Variants in CDK7 observed in about 807,000 individuals in gnomAD.
The protein encoded by CDK7 is cyclin-dependent kinase 7.
Under a neutral mutation model 49.1 loss-of-function variants are expected in CDK7, and 25 were observed. The ratio of observed to expected loss-of-function variants is 0.51; its 90% CI spans 0.37 to 0.71. The LOEUF is 0.71. Among genes scored for constraint, CDK7 ranks in the 30% least tolerant of loss-of-function variants. The pLI is 0.00. For synonymous variants in CDK7, 107 were observed against 140.0 expected (o/e 0.76, Z 1.67); for missense variants, 316 against 411.7 (o/e 0.77, Z 2.01).
intron 8 of CDK7, among the ~76,000 whole-genome samples, chr5:69,265,644 T>C (rs547822470): frequency 8.5e-5 from 13 of 152,310 alleles, no homozygotes; most frequent in African/African-American, 2.9e-4. Flanking sequence ...GCAGGGCAGC[T>C]CACTCCTGTA....
chr5:69,240,912 C>T (rs975432178), intron 2 of CDK7, among the ~76,000 whole-genome samples: 1 of 152,268 alleles, frequency 6.6e-6, no homozygotes, highest in Admixed American at 6.5e-5. Flanking sequence ...CAGGTGTGAG[C>T]CACCGCACCT....
chr5:69,240,776 T>A (rs1299010742), intron 2 of CDK7, among the ~76,000 whole-genome samples: 1 of 151,882 alleles, frequency 6.6e-6, no homozygotes, highest in Non-Finnish European at 1.5e-5. Context: ...TACAGACACA[T>A]GCCACCACAC....
rs546714060 is a variant in CDK7, at chr5:69,274,076, A to G, written c.864+1035A>G. 2.9e-4 allele frequency among the ~76,000 whole-genome samples: 44 copies of G among 152,272 alleles called. 1 individual carries two copies. In the South Asian group the frequency reaches 8.7e-3, roughly 30 times the overall value. ...TTGTTGCCTTTTCACTCATACTTCT[A>G]TGTATATTATTTCCATCATAATAAA... On this transcript the variant is annotated intron_variant, in intron 10 of 11. Transcript: ENST00000256443.
At chr5:69,243,426 A>G (rs79828202) in intron 2 of CDK7, among the ~76,000 whole-genome samples, 3,890 of 152,294 alleles carry the variant, frequency 0.026, 67 homozygotes, top group Non-Finnish European at 0.039. Context: ...TATTGGCACC[A>G]TTGTTGAAAA....
rs1490663492 is a variant in CDK7 at position 69,252,470 on chromosome 5, C to A, written c.160+19C>A. On this transcript the variant is annotated intron_variant, in intron 3 of 11. Transcript: ENST00000256443. ...AAAGATGGTAAGTATTTCATGTAATCTGACAGATAGGAAAAGTTTTCTCCT... is the reference window on the plus strand; with the variant it reads ...AAAGATGGTAAGTATTTCATGTAATATGACAGATAGGAAAAGTTTTCTCCT... The A allele has an allele frequency of 3.0e-6, 3 of 990,336 alleles. No individual in the cohort carries two copies. The highest frequency in any genetic ancestry group is 2.7e-5 in the Admixed American group (1 of 37,386). The allele number at this position is 990,336 out of a possible 1,614,324, so 61.3% of individuals were successfully genotyped here. A position where few individuals can be genotyped will look rare whatever the true frequency, so the allele number is the denominator to read the frequency against.
At chr5:69,241,165 TC>T (rs997688099) in intron 2 of CDK7, among the ~76,000 whole-genome samples, 1 of 152,126 alleles carries the variant, frequency 6.6e-6, no homozygotes, top group Non-Finnish European at 1.5e-5. Flanking sequence ...CTCCAAACTG[TC>T]CTCCATAGTG....
intron 8 of CDK7, among the ~76,000 whole-genome samples, chr5:69,268,616 G>A (rs1751313630): frequency 6.6e-6 from 1 of 152,116 alleles, no homozygotes; most frequent in Non-Finnish European, 1.5e-5. Flanking sequence ...ACTTTGGGAG[G>A]CCGAGGCGGG....
chr5:69,241,314 CTTTTTTTT>C (rs747725798), intron 2 of CDK7, among the ~76,000 whole-genome samples: 1 of 35,192 alleles, frequency 2.8e-5, no homozygotes, highest in Non-Finnish European at 5.0e-5. Flanking sequence ...TAGGTTTTTT[CTTTTTTTT>C]TTTTTTTTTT....
At chr5:69,252,573 A>T (rs890890307) in intron 3 of CDK7, 122 bp downstream of exon 3, 2 of 623,944 alleles carry the variant, frequency 3.2e-6, no homozygotes, top group Non-Finnish European at 5.4e-6. Context: ...ACTGAGACAC[A>T]ATCGTAGCTC....
At chr5:69,269,651 G>A (rs1751395680) in intron 9 of CDK7, among the ~76,000 whole-genome samples, 1 of 152,006 alleles carries the variant, frequency 6.6e-6, no homozygotes, top group Non-Finnish European at 1.5e-5. Flanking sequence ...TATATACACG[G>A]TGTGAAGCCA....
chr5:69,235,203 G>A, intron 1 of CDK7, 162 bp downstream of exon 1: 1 of 771,808 alleles, frequency 1.3e-6, no homozygotes, highest in Non-Finnish European at 2.2e-6. Flanking sequence ...TACATCCTGG[G>A]GGTGAATCCC....
chr5:69,245,829 C>T (rs1278054687), intron 2 of CDK7, among the ~76,000 whole-genome samples: 1 of 152,134 alleles, frequency 6.6e-6, no homozygotes, highest in South Asian at 2.1e-4. Flanking sequence ...TTTCCAGTTT[C>T]TTGGCGTATA....
At chr5:69,259,653 A>G (rs1307837758) in intron 6 of CDK7, among the ~76,000 whole-genome samples, 165 bp from the exon 7 acceptor site, 1 of 152,074 alleles carries the variant, frequency 6.6e-6, no homozygotes, top group African/African-American at 2.4e-5. Flanking sequence ...TAACCAATCC[A>G]ATTTTGCTTT....
chr5:69,243,826 G>T (rs1349265882), intron 2 of CDK7, among the ~76,000 whole-genome samples: 17 of 66,400 alleles, frequency 2.6e-4, no homozygotes, highest in South Asian at 7.4e-4. Context: ...AATGATAGTT[G>T]TTTTTTTTTT....
intron 5 of CDK7, 37 bp downstream of exon 5, chr5:69,255,565 A>G (rs2150206516): frequency 7.4e-7 from 1 of 1,350,310 alleles, no homozygotes. Flanking sequence ...CCTTTGTCCC[A>G]GTTTATCAAA....
intron 2 of CDK7, among the ~76,000 whole-genome samples, chr5:69,243,943 C>T (rs1580274019): frequency 6.7e-6 from 1 of 148,444 alleles, no homozygotes; most frequent in South Asian, 2.2e-4. Context: ...CGCCATTCTC[C>T]TGCCTCAGCT....
intron 2 of CDK7, among the ~76,000 whole-genome samples, chr5:69,248,785 CTTTTCTTTTTTT>C (rs1293600593): frequency 1.8e-4 from 21 of 116,656 alleles, no homozygotes; most frequent in Admixed American, 3.6e-4. Flanking sequence ...CTATAACCTT[CTTTTCTTTTTTT>C]TTTTCTTTTT....
At chr5:69,237,899 G>A (rs1445234435) in intron 2 of CDK7, among the ~76,000 whole-genome samples, 6 of 152,160 alleles carry the variant, frequency 3.9e-5, no homozygotes, top group Non-Finnish European at 7.3e-5. Flanking sequence ...GAGTCACTAT[G>A]CCTGGCCTAT....
intron 9 of CDK7, among the ~76,000 whole-genome samples, chr5:69,271,398 A>T (rs1224008941): frequency 6.6e-6 from 1 of 151,940 alleles, no homozygotes; most frequent in Admixed American, 6.6e-5. Flanking sequence ...CTGCCTTTTC[A>T]TCCTCTGCAA....
Sources: allele counts gnomAD v4.1 joint callset (sites outside exome capture counted in the v4.1 genomes callset), GRCh38; gene constraint gnomAD v4.1.1; transcripts MANE v1.5; gene names NCBI Gene and HGNC (gene_info 2026-07-23, HGNC 2026-07-21).